DNM3: variants seen among roughly 807,000 people sequenced by gnomAD.
DNM3 encodes the protein dynamin-3.
Under a neutral mutation model 101.6 loss-of-function variants are expected in DNM3, and 47 were observed. That is an observed-to-expected ratio of 0.46 (90% CI 0.37 to 0.59). The LOEUF is 0.59. Ranked by LOEUF, DNM3 falls within the 20% of genes least tolerant of loss-of-function variation. The pLI, the probability that DNM3 is intolerant of heterozygous loss-of-function variation, is 0.00. For synonymous variants in DNM3, 385 were observed against 387.9 expected, an observed-to-expected ratio of 0.99 and a Z score of 0.09; for missense variants, 849 against 1,085.7, an observed-to-expected ratio of 0.78 and a Z score of 3.06.
chr1:172,091,286 A>G (rs956894386), intron 12 of DNM3, among the ~76,000 whole-genome samples: 1 of 152,240 alleles, frequency 6.6e-6, no homozygotes, highest in Non-Finnish European at 1.5e-5. Flanking sequence ...AGGAGCTTAC[A>G]GTCTAATGGA....
chr1:172,317,993 A>T (rs1483481825), intron 16 of DNM3, among the ~76,000 whole-genome samples: 3 of 152,322 alleles, frequency 2.0e-5, no homozygotes, highest in Non-Finnish European at 4.4e-5. Flanking sequence ...CCTCAATAAA[A>T]TACTGGCAAA....
At chr1:172,325,301 A>C (rs139544370) in intron 17 of DNM3, among the ~76,000 whole-genome samples, 81 of 152,268 alleles carry the variant, frequency 5.3e-4, no homozygotes, top group African/African-American at 1.7e-3. Context: ...ATGTGCTATG[A>C]GGACAGCTTT....
chr1:172,310,507 G>A (rs2065035383), intron 16 of DNM3: 1 of 152,228 alleles, frequency 6.6e-6, no homozygotes, highest in Non-Finnish European at 1.5e-5. Flanking sequence ...GACAGTGAGA[G>A]TAAGGGGCAG....
chr1:172,302,909 C>T (rs1389070442), intron 15 of DNM3, among the ~76,000 whole-genome samples: 1 of 152,134 alleles, frequency 6.6e-6, no homozygotes, highest in East Asian at 1.9e-4. Flanking sequence ...TAGATAAAAC[C>T]ACAAAGCTGG....
intron 15 of DNM3, among the ~76,000 whole-genome samples, chr1:172,266,367 T>C (rs1043341163): frequency 2.0e-5 from 3 of 152,092 alleles, no homozygotes; most frequent in Non-Finnish European, 4.4e-5. Flanking sequence ...AAAGGAACAA[T>C]TACTCTTCCA....
chr1:172,316,738 G>A (rs1573438429), intron 16 of DNM3, among the ~76,000 whole-genome samples: 2 of 152,160 alleles, frequency 1.3e-5, no homozygotes, highest in South Asian at 4.2e-4. Flanking sequence ...GATTCATAAA[G>A]CAAGTCCTGA....
At chr1:171,899,164 C>A (rs1243706500) in intron 1 of DNM3, among the ~76,000 whole-genome samples, 1 of 152,182 alleles carries the variant, frequency 6.6e-6, no homozygotes, top group Non-Finnish European at 1.5e-5. Flanking sequence ...TCATCTCTAC[C>A]CTTTGTCTGG....
chr1:172,048,375 C>G (rs540008051), intron 9 of DNM3, among the ~76,000 whole-genome samples: 1 of 152,294 alleles, frequency 6.6e-6, no homozygotes, highest in South Asian at 2.1e-4. Flanking sequence ...AACACCATTT[C>G]TATTGTAGCA....
chr1:171,844,867 T>C (rs980514230), intron 1 of DNM3, among the ~76,000 whole-genome samples: 3 of 152,216 alleles, frequency 2.0e-5, no homozygotes, highest in African/African-American at 7.2e-5. Context: ...ACTATTTTCA[T>C]TATACGTATA....
chr1:171,855,538 C>T (rs1317525588), intron 1 of DNM3, among the ~76,000 whole-genome samples: 1 of 152,220 alleles, frequency 6.6e-6, no homozygotes, highest in African/African-American at 2.4e-5. Context: ...TTGTCAGCAT[C>T]TGTTGTTTTT....
downstream of DNM3, among the ~76,000 whole-genome samples, chr1:172,417,488 C>G (rs907879913): frequency 1.5e-4 from 23 of 152,162 alleles, no homozygotes; most frequent in African/African-American, 4.6e-4. Flanking sequence ...TGCAAGCCAG[C>G]CTAGGGAAAT....
At chr1:171,865,184 A>G (rs1412637229) in intron 1 of DNM3, among the ~76,000 whole-genome samples, 1 of 152,170 alleles carries the variant, frequency 6.6e-6, no homozygotes, top group Non-Finnish European at 1.5e-5. Flanking sequence ...TTATGGAATT[A>G]TTAGACATTT....
At chr1:172,159,022 T>C (rs2058449335) in intron 14 of DNM3, among the ~76,000 whole-genome samples, 1 of 152,060 alleles carries the variant, frequency 6.6e-6, no homozygotes, top group Non-Finnish European at 1.5e-5. Context: ...TATGTATGTA[T>C]GATCACATAC....
chr1:172,056,541 C>T (rs867221637), intron 10 of DNM3, among the ~76,000 whole-genome samples: 1 of 152,222 alleles, frequency 6.6e-6, no homozygotes, highest in Middle Eastern at 3.4e-3. Flanking sequence ...GACCCCTGAC[C>T]CCCGAGCAGC....
At chr1:171,912,147 C>A (rs769257400) in intron 1 of DNM3, among the ~76,000 whole-genome samples, 1 of 152,004 alleles carries the variant, frequency 6.6e-6, no homozygotes, top group Non-Finnish European at 1.5e-5. Flanking sequence ...TGTTTAGCAT[C>A]CTGAGTTTTA....
At chr1:172,178,915 T>C (rs1361809877) in intron 14 of DNM3, among the ~76,000 whole-genome samples, 1 of 151,926 alleles carries the variant, frequency 6.6e-6, no homozygotes, top group Non-Finnish European at 1.5e-5. Context: ...CTCTATCGCT[T>C]TATGTCTCAG....
intron 14 of DNM3, among the ~76,000 whole-genome samples, chr1:172,216,062 A>G (rs1476093666): frequency 2.0e-5 from 3 of 151,814 alleles, no homozygotes; most frequent in East Asian, 1.9e-4. Context: ...AGCTGCAGAC[A>G]TATATTTTTC....
intron 14 of DNM3, among the ~76,000 whole-genome samples, chr1:172,203,106 C>A (rs182488425): frequency 3.4e-3 from 525 of 152,260 alleles, no homozygotes; most frequent in African/African-American, 0.012. Context: ...GTAATTTAAA[C>A]TTCTGCTTAG....
chr1:172,414,905 A>T (rs1203900439), downstream of DNM3, among the ~76,000 whole-genome samples: 2 of 14,418 alleles, frequency 1.4e-4, no homozygotes, highest in Non-Finnish European at 1.2e-3. Context: ...TCATCTCTAA[A>T]AAAAAAAAAA....
Sources: allele counts gnomAD v4.1 joint callset (sites outside exome capture counted in the v4.1 genomes callset), GRCh38; gene constraint gnomAD v4.1.1; transcripts MANE v1.5; gene names NCBI Gene and HGNC (gene_info 2026-07-23, HGNC 2026-07-21).